Variants in SOX6 observed in about 807,000 individuals in gnomAD.
SOX6 encodes SRY-box transcription factor 6.
Under a neutral mutation model 97.8 loss-of-function variants are expected in SOX6, and 11 were observed. The observed-to-expected ratio is 0.11, with a 90% confidence interval of 0.07 to 0.19. The LOEUF (loss-of-function observed/expected upper bound fraction) is 0.19, where lower values mean the gene tolerates loss of function less well. Ranked by LOEUF, SOX6 falls within the 10% of genes least tolerant of loss-of-function variation. The probability of loss-of-function intolerance (pLI) is 1.00; values close to 1 mark genes in which losing one functional copy is unlikely to be tolerated. For synonymous variants in SOX6, 360 were observed against 371.4 expected, an observed-to-expected ratio of 0.97 and a Z score of 0.35; for missense variants, 810 against 1,039.5, an observed-to-expected ratio of 0.78 and a Z score of 3.04.
intron 1 of SOX6, among the ~76,000 whole-genome samples, chr11:16,342,208 A>G (rs1258629329): frequency 6.6e-6 from 1 of 152,028 alleles, no homozygotes; most frequent in African/African-American, 2.4e-5. Flanking sequence ...GAATTTCAAA[A>G]TGTTTAGAAT....
At chr11:16,405,201 C>G (rs567452500) in intron 1 of SOX6, among the ~76,000 whole-genome samples, 3 of 151,924 alleles carry the variant, frequency 2.0e-5, no homozygotes, top group Non-Finnish European at 4.4e-5. Context: ...AGTGCTTTTA[C>G]CCCCAATAAA....
intron 6 of SOX6, among the ~76,000 whole-genome samples, chr11:16,136,368 T>C (rs1240059431): frequency 7.4e-6 from 1 of 134,980 alleles, no homozygotes; most frequent in African/African-American, 2.7e-5. Context: ...TTTTTTGACA[T>C]AATGCAATTG....
At chr11:16,539,493 G>C (rs868115656) in intron 4 of SOX6, among the ~76,000 whole-genome samples, 43 of 151,696 alleles carry the variant, frequency 2.8e-4, no homozygotes, top group African/African-American at 1.0e-3. Flanking sequence ...AGGAGATAGA[G>C]ACATAAAAAA....
chr11:16,450,208 T>C (rs1859693146), intron 1 of SOX6, among the ~76,000 whole-genome samples: 1 of 152,202 alleles, frequency 6.6e-6, no homozygotes, highest in Non-Finnish European at 1.5e-5. Context: ...AAGTAAGTCA[T>C]ATGCCTTAAA....
intron 1 of SOX6, among the ~76,000 whole-genome samples, chr11:16,441,659 A>G (rs1859505041): frequency 6.6e-6 from 1 of 152,236 alleles, no homozygotes; most frequent in African/African-American, 2.4e-5. Flanking sequence ...AATTGTAAAC[A>G]GTGATGTTTA....
chr11:16,403,579 G>T (rs996401937), intron 1 of SOX6, among the ~76,000 whole-genome samples: 2 of 151,676 alleles, frequency 1.3e-5, no homozygotes, highest in African/African-American at 4.8e-5. Flanking sequence ...AACACCATTT[G>T]TAGAGAGCCC....
chr11:16,513,396 G>A (rs574839157), intron 4 of SOX6, among the ~76,000 whole-genome samples: 17 of 152,348 alleles, frequency 1.1e-4, no homozygotes, highest in African/African-American at 4.1e-4. Context: ...ACTTTGGGAG[G>A]CCAAGGCGGG....
At chr11:16,458,741 G>A (rs1197859100) in intron 1 of SOX6, among the ~76,000 whole-genome samples, 1 of 151,876 alleles carries the variant, frequency 6.6e-6, no homozygotes, top group Non-Finnish European at 1.5e-5. Context: ...TAAAAAACTG[G>A]GCAAAATACA....
chr11:16,186,670 TTTA>T, intron 5 of SOX6, 110 bp downstream of exon 5: 1 of 1,300,958 alleles, frequency 7.7e-7, no homozygotes, highest in East Asian at 2.3e-5. Flanking sequence ...TTTTCTTATT[TTTA>T]TTTTTATTTT....
chr11:16,596,740 A>C (rs556098768), intron 4 of SOX6, among the ~76,000 whole-genome samples: 30 of 152,334 alleles, frequency 2.0e-4, no homozygotes, highest in African/African-American at 7.2e-4. Flanking sequence ...TTCACCATCA[A>C]GGATTCTTTT....
intron 3 of SOX6, among the ~76,000 whole-genome samples, chr11:16,680,902 G>A (rs1847922349): frequency 6.6e-6 from 1 of 152,198 alleles, no homozygotes; most frequent in African/African-American, 2.4e-5. Flanking sequence ...TCAACAAGTA[G>A]AGCTAACTAT....
intron 12 of SOX6, among the ~76,000 whole-genome samples, chr11:16,026,216 T>C (rs532608582): frequency 4.6e-5 from 7 of 152,230 alleles, no homozygotes; most frequent in African/African-American, 7.2e-5. Context: ...CTCTAAGATC[T>C]ATACTGCAGC....
intron 4 of SOX6, among the ~76,000 whole-genome samples, chr11:16,511,454 T>A (rs1388324303): frequency 6.6e-6 from 1 of 152,204 alleles, no homozygotes; most frequent in African/African-American, 2.4e-5. Flanking sequence ...TTGCAATGTA[T>A]CAAAACTTTC....
At chr11:16,111,955 A>G (rs963969322) in intron 6 of SOX6, 32 bp from the exon 7 acceptor site, 1 of 1,611,328 alleles carries the variant, frequency 6.2e-7, no homozygotes, top group Non-Finnish European at 8.5e-7. Context: ...ATGATCAGAC[A>G]GGGAGCAAAT....
intron 4 of SOX6, among the ~76,000 whole-genome samples, chr11:16,203,596 T>G (rs1235532948): frequency 6.6e-6 from 1 of 152,168 alleles, no homozygotes; most frequent in Non-Finnish European, 1.5e-5. Flanking sequence ...TATAAACATC[T>G]GAAGTAGCTA....
chr11:16,587,778 T>TGC (rs1848111601), intron 4 of SOX6, among the ~76,000 whole-genome samples: 1 of 152,194 alleles, frequency 6.6e-6, no homozygotes, highest in Non-Finnish European at 1.5e-5. Flanking sequence ...TGGAAGAGGT[T>TGC]AACTAACAGA....
chr11:16,632,736 G>T (rs1283255985), intron 3 of SOX6, among the ~76,000 whole-genome samples: 1 of 152,184 alleles, frequency 6.6e-6, no homozygotes, highest in Non-Finnish European at 1.5e-5. Flanking sequence ...ACAGGAATGG[G>T]GTGCAGCCTA....
At chr11:16,124,758 G>A (rs1364540367) in intron 6 of SOX6, among the ~76,000 whole-genome samples, 1 of 152,048 alleles carries the variant, frequency 6.6e-6, no homozygotes, top group African/African-American at 2.4e-5. Flanking sequence ...TCACTGAAGG[G>A]TTTTAAAAGG....
intron 1 of SOX6, among the ~76,000 whole-genome samples, chr11:16,429,648 G>A (rs957888264): frequency 2.6e-5 from 4 of 152,086 alleles, no homozygotes; most frequent in African/African-American, 9.7e-5. Flanking sequence ...GACACATAGA[G>A]GGGAACAACA....
Sources: gnomAD v4.1 joint callset for allele counts (sites outside exome capture counted in the v4.1 genomes callset) on GRCh38, gnomAD v4.1.1 for gene constraint, MANE v1.5 for transcripts, NCBI Gene and HGNC (gene_info 2026-07-23, HGNC 2026-07-21) for gene names.